The following WAC variants were observed in gnomAD, a reference collection of about 807,000 sequenced individuals.
The protein encoded by WAC is WW domain-containing adapter protein with coiled-coil.
WAC carries 11 observed loss-of-function variants against 79.6 expected under a neutral mutation model. The observed-to-expected ratio is 0.14, with a 90% CI of 0.09 to 0.23. WAC has a LOEUF of 0.23. Ranked by LOEUF, WAC falls within the 10% of genes least tolerant of loss-of-function variation. The pLI is 1.00. For missense variants in WAC, 728 were observed against 773.5 expected (o/e 0.94, Z 0.70); for synonymous variants, 304 against 276.9 (o/e 1.10, Z -0.97).
At chr10:28,556,019 A>G (rs923004786) in intron 3 of WAC, among the ~76,000 whole-genome samples, 1 of 152,222 alleles carries the variant, frequency 6.6e-6, no homozygotes. Context: ...CCTGGGAGAT[A>G]GTGGAGGATG....
At chr10:28,533,799 G>C (rs567057354) in intron 1 of WAC, 179 bp downstream of exon 1, 154 of 988,930 alleles carry the variant, frequency 1.6e-4, no homozygotes, top group Non-Finnish European at 2.2e-4. Context: ...GGCGGGGAGC[G>C]GGGGCCCGGC....
chr10:28,614,138 T>G (rs1327765739), intron 10 of WAC, among the ~76,000 whole-genome samples: 3 of 152,034 alleles, frequency 2.0e-5, no homozygotes, highest in Non-Finnish European at 4.4e-5. Flanking sequence ...CGGAGTCTCG[T>G]TCTGTCGCCC....
At chr10:28,619,479 G>T in intron 13 of WAC, 58 bp from the exon 14 acceptor site, 5 of 1,284,580 alleles carry the variant, frequency 3.9e-6, no homozygotes, top group Middle Eastern at 2.7e-4. Context: ...TAAAAGCTCG[G>T]GTTTTCTGTA....
At chr10:28,535,402 T>C in intron 2 of WAC, 160 bp from the exon 3 acceptor site, 2 of 829,418 alleles carry the variant, frequency 2.4e-6, no homozygotes, top group South Asian at 4.7e-5. Context: ...TTAGGTTTTT[T>C]GTCTGAGAAA....
chr10:28,568,989 A>G (rs1186105807), intron 3 of WAC, among the ~76,000 whole-genome samples: 1 of 152,236 alleles, frequency 6.6e-6, no homozygotes, highest in Non-Finnish European at 1.5e-5. Flanking sequence ...TACATACAAT[A>G]TATGCATTGT....
intron 9 of WAC, chr10:28,611,398 C>G: frequency 7.7e-7 from 1 of 1,302,976 alleles, no homozygotes; most frequent in Non-Finnish European, 1.0e-6. Context: ...AAGACTCTTG[C>G]AACCCTCTGG....
rs1405777935 is a variant in WAC, at chr10:28,621,301, C to T, written c.*1695C>T. ...AGGGCTTATTTTTTATGTTAGACATCAATGTCAATGTTACTACATTCTCGG... is the reference window on the plus strand; with the variant it reads ...AGGGCTTATTTTTTATGTTAGACATTAATGTCAATGTTACTACATTCTCGG... On this transcript the variant is annotated 3_prime_UTR_variant, in exon 14 of 14. Coordinates refer to ENST00000354911, the MANE Select transcript of WAC (RefSeq NM_016628.5). 7.1e-6 allele frequency: 1 copy of T among 139,956 alleles called. No individual in the cohort carries two copies. Among genetic ancestry groups the T allele is most frequent in the Non-Finnish European group, 1.5e-5 (1 of 66,018 alleles). The allele number at this position is 139,956 out of a possible 1,614,324, so 8.7% of individuals were successfully genotyped here.
At chr10:28,605,035 C>A (rs557461140) in intron 7 of WAC, among the ~76,000 whole-genome samples, 1 of 152,236 alleles carries the variant, frequency 6.6e-6, no homozygotes, top group Non-Finnish European at 1.5e-5. Flanking sequence ...TAACTTACAA[C>A]ATGCTTTGGA....
chr10:28,580,922 A>T (rs34908948), intron 3 of WAC, among the ~76,000 whole-genome samples: 34,209 of 152,052 alleles, frequency 0.22, 4,690 homozygotes, highest in Non-Finnish European at 0.28. Context: ...GACTTACTAC[A>T]GTGGACAGGT....
intron 13 of WAC, chr10:28,618,151 T>C (rs1841555657): frequency 6.2e-6 from 1 of 160,242 alleles, no homozygotes; most frequent in Admixed American, 6.5e-5. Flanking sequence ...TTGAAAAGTA[T>C]AGAAAGAATT....
chr10:28,619,154 C>T (rs1451224579), intron 13 of WAC, among the ~76,000 whole-genome samples: 1 of 152,188 alleles, frequency 6.6e-6, no homozygotes, highest in Non-Finnish European at 1.5e-5. Flanking sequence ...GGACAGGTGC[C>T]TGTAATCCCA....
intron 3 of WAC, among the ~76,000 whole-genome samples, chr10:28,545,607 G>A (rs544537464): frequency 1.1e-3 from 173 of 152,366 alleles, no homozygotes; most frequent in African/African-American, 4.0e-3. Flanking sequence ...AGGAATGTGA[G>A]TTTTATCATT....
At chr10:28,609,755 T>C (rs1391284146) in intron 8 of WAC, among the ~76,000 whole-genome samples, 1 of 152,058 alleles carries the variant, frequency 6.6e-6, no homozygotes, top group Non-Finnish European at 1.5e-5. Context: ...ACGCCTGTAG[T>C]TCCAGCTACT....
At chr10:28,574,124 T>C (rs974182137) in intron 3 of WAC, among the ~76,000 whole-genome samples, 5 of 152,120 alleles carry the variant, frequency 3.3e-5, no homozygotes, top group Admixed American at 2.0e-4. Flanking sequence ...TTTTATTTTT[T>C]GACTTTAAGA....
intron 3 of WAC, among the ~76,000 whole-genome samples, chr10:28,550,147 A>G (rs534873896): frequency 1.4e-5 from 2 of 147,838 alleles, no homozygotes; most frequent in South Asian, 4.3e-4. Flanking sequence ...CCAGTGGGTG[A>G]TAATGCAAGA....
At chr10:28,597,973 G>A (rs1840465498) in intron 7 of WAC, among the ~76,000 whole-genome samples, 1 of 152,094 alleles carries the variant, frequency 6.6e-6, no homozygotes, top group African/African-American at 2.4e-5. Context: ...TCACTGTATT[G>A]CTCAGACTGG....
At chr10:28,584,251 C>T (rs978865365) in intron 4 of WAC, among the ~76,000 whole-genome samples, 1 of 152,170 alleles carries the variant, frequency 6.6e-6, no homozygotes, top group African/African-American at 2.4e-5. Context: ...ATAACTAATG[C>T]TTCCCAACAG....
chr10:28,590,884 A>G, intron 6 of WAC, 52 bp downstream of exon 6: 1 of 1,381,888 alleles, frequency 7.2e-7, no homozygotes, highest in Non-Finnish European at 1.0e-6. Context: ...ATTCGTATTT[A>G]TTTTTCAAAT....
intron 3 of WAC, among the ~76,000 whole-genome samples, chr10:28,567,047 T>C (rs543565601): frequency 2.5e-4 from 38 of 151,972 alleles, no homozygotes; most frequent in Non-Finnish European, 4.6e-4. Context: ...TTTTGTCTTA[T>C]GTGCTTTATG....
Sources: allele counts gnomAD v4.1 joint callset (sites outside exome capture counted in the v4.1 genomes callset), GRCh38; gene constraint gnomAD v4.1.1; transcripts MANE v1.5; gene names NCBI Gene and HGNC (gene_info 2026-07-23, HGNC 2026-07-21).